The following OR2A12 variants were observed in gnomAD, a reference collection of about 807,000 sequenced individuals.
The protein encoded by OR2A12 is olfactory receptor family 2 subfamily A member 12, also known as olfactory receptor 2A12.
For missense variants in OR2A12, 380 were observed against 372.5 expected (o/e 1.02, Z -0.17); for synonymous variants, 153 against 149.3 (o/e 1.02, Z -0.18).
At chr7:144,086,736 TGCATTCAAGG>T (rs1422240908) in intron 1 of OR2A12, among the ~76,000 whole-genome samples, 193 bp downstream of exon 1, 1 of 152,218 alleles carries the variant, frequency 6.6e-6, no homozygotes, top group Admixed American at 6.5e-5. Flanking sequence ...TGTTTTCCTG[TGCATTCAAGG>T]GCAATTTGAG....
In OR2A12 at chr7:144,095,613, GC is replaced by G. The variant is rs1343710247; in HGVS notation, c.509del (p.Pro170HisfsTer37). 3 of 1,613,824 alleles carry G rather than the reference GC, an allele frequency of 1.9e-6. No individual in the cohort carries two copies. The African/African-American group carries it at 4.0e-5, about 22-fold the overall frequency. ...CTTATTCTGAGGCTGCCTTTTTGTG[GC>G]CCACAAAAGATCAACCACTTTTTCT... is the stretch of plus-strand genomic sequence containing the variant. ...ITLILRLPFCGPQKINHFFCQ... is the reference protein window; with the variant it reads ...ITLILRLPFCXPQKINHFFCQ... On this transcript the variant is annotated frameshift_variant, in exon 2 of 2. Transcript: ENST00000641592. LOFTEE classifies it low-confidence loss of function (END_TRUNC).
rs1304862719 is a variant in OR2A12, at chr7:144,096,870, C to T, written c.*830C>T. The T allele has an allele frequency of 1.3e-5, 2 of 152,048 alleles. No homozygotes were observed. 9.4% of individuals were successfully genotyped at this position (152,048 alleles called of 1,614,324 possible). Reference sequence around the variant, plus strand: ...ACCAAAAACAAAACAAAAATAAAAACAAAGCAGACGTCATGGTTAATGGTG... The same window carrying T: ...ACCAAAAACAAAACAAAAATAAAAATAAAGCAGACGTCATGGTTAATGGTG... On this transcript the variant is annotated 3_prime_UTR_variant, in exon 2 of 2. Transcript: ENST00000641592.
rs146570905 is a variant in OR2A12 at position 144,096,230 on chromosome 7, G to A, written c.*190G>A. ...AACACTTTGGGAGGCTGACCTGGGC[G>A]GATTACCTGAGGTCAGGAGTTCGAG... On this transcript the variant is annotated 3_prime_UTR_variant, in exon 2 of 2. Coordinates refer to ENST00000641592, the MANE Select transcript of OR2A12 (RefSeq NM_001004135.2). The A allele has an allele frequency of 2.1e-3, 1,012 of 477,092 alleles. 17 individuals are homozygous for A. In the East Asian group the frequency reaches 0.026, roughly 12 times the overall value. The allele number at this position is 477,092 out of a possible 1,614,324, so 29.6% of individuals were successfully genotyped here.
At chr7:144,094,574 A>C (rs1230544357) in intron 1 of OR2A12, among the ~76,000 whole-genome samples, 1 of 152,262 alleles carries the variant, frequency 6.6e-6, no homozygotes, top group East Asian at 1.9e-4. Context: ...TTTGTATTTT[A>C]TCTCTCATAT....
intron 1 of OR2A12, among the ~76,000 whole-genome samples, chr7:144,087,922 A>T (rs968129444): frequency 7.2e-5 from 11 of 152,208 alleles, no homozygotes; most frequent in African/African-American, 2.7e-4. Flanking sequence ...GTTCTTCGAC[A>T]TGGATAGCCA....
Position 144,096,150 on chromosome 7 carries a change from G to C in OR2A12, c.*110G>C. ...CCACACCCAATACTGTTTATCTTTAGACTTCTTATAAAAAGAGAAACTGGC... is the reference window on the plus strand; with the variant it reads ...CCACACCCAATACTGTTTATCTTTACACTTCTTATAAAAAGAGAAACTGGC... On this transcript the variant is annotated 3_prime_UTR_variant, in exon 2 of 2. Transcript: ENST00000641592. 1 of 839,866 alleles carries C rather than the reference G, an allele frequency of 1.2e-6. No individual in the cohort carries two copies. The highest frequency in any genetic ancestry group is 1.8e-5 in the South Asian group (1 of 56,280). 52.0% of individuals were successfully genotyped at this position (839,866 alleles called of 1,614,324 possible). A position where few individuals can be genotyped will look rare whatever the true frequency, so the allele number is the denominator to read the frequency against.
At position 144,096,340 on chromosome 7, in the gene OR2A12, A is replaced by G. The variant is rs1306523161; in HGVS notation, c.*300A>G. 9.8e-6 allele frequency: 2 copies of G among 203,688 alleles called. No homozygotes were observed. Among genetic ancestry groups the G allele is most frequent in the East Asian group, 2.4e-4 (2 of 8,216 alleles). 12.6% of individuals were successfully genotyped at this position (203,688 alleles called of 1,614,324 possible). A position where few individuals can be genotyped will look rare whatever the true frequency, so the allele number is the denominator to read the frequency against. ...CGTGCTGGTGGGCGCCTGTAATCCC[A>G]GCTCTACTTGGGAGGCTGAGGCAGG... On this transcript the variant is annotated 3_prime_UTR_variant, in exon 2 of 2. Transcript: ENST00000641592.
At position 144,095,842 on chromosome 7, in the gene OR2A12, C is replaced by T. The variant is rs372859417; in HGVS notation, c.735C>T (p.Cys245=). The change falls in exon 2 of 2, where the codon TGC becomes TGT. Residue 245 remains cysteine, a synonymous_variant. Transcript: ENST00000641592. ...KAFSTCSSHL[C]VVGLFFGSAI... ...TCTCTACCTGCTCCTCCCACCTCTG[C>T]GTGGTGGGGCTTTTCTTTGGCAGCG... 5.3e-5 allele frequency: 85 copies of T among 1,614,076 alleles called. No individual in the cohort carries two copies. Among genetic ancestry groups the T allele is most frequent in the East Asian group, 2.5e-4 (11 of 44,866 alleles).
At chr7:144,089,294 C>CG (rs550904821) in intron 1 of OR2A12, among the ~76,000 whole-genome samples, 2 of 151,284 alleles carry the variant, frequency 1.3e-5, no homozygotes, top group Non-Finnish European at 2.9e-5. Context: ...TTTTTAATCT[C>CG]GGTGTGGGGG....
At chr7:144,087,069 G>A (rs1044369202) in intron 1 of OR2A12, among the ~76,000 whole-genome samples, 2 of 152,164 alleles carry the variant, frequency 1.3e-5, no homozygotes, top group African/African-American at 4.8e-5. Context: ...CAAACTGGAA[G>A]AGGCATAAGA....
chr7:144,097,733 T>C lies in OR2A12; in HGVS notation c.*1693T>C, dbSNP rs952684996. 1 of 152,202 alleles carries C rather than the reference T, an allele frequency of 6.6e-6. No homozygotes were observed. The highest frequency in any genetic ancestry group is 6.5e-5 in the Admixed American group (1 of 15,270). 9.4% of individuals were successfully genotyped at this position (152,202 alleles called of 1,614,324 possible). On this transcript the variant is annotated 3_prime_UTR_variant, in exon 2 of 2. Transcript: ENST00000641592. ...CACTTGCTATATTAGAGGTGTGGCA[T>C]GGCATATCACTGGGGAATGAAAAAG...
chr7:144,088,616 T>C (rs2051203826), intron 1 of OR2A12, among the ~76,000 whole-genome samples: 1 of 152,236 alleles, frequency 6.6e-6, no homozygotes, highest in African/African-American at 2.4e-5. Flanking sequence ...AAACTTCCAA[T>C]CTATAAACAC....
intron 1 of OR2A12, among the ~76,000 whole-genome samples, chr7:144,092,030 A>G (rs894697383): frequency 3.3e-5 from 5 of 152,076 alleles, no homozygotes; most frequent in African/African-American, 7.2e-5. Flanking sequence ...ATCTTTGCAT[A>G]TGGTGTAAGG....
chr7:144,086,430 T>A lies in OR2A12; in HGVS notation c.-165T>A, dbSNP rs552060814. On this transcript the variant is annotated 5_prime_UTR_variant, in exon 1 of 2. Coordinates refer to ENST00000641592, the MANE Select transcript of OR2A12 (RefSeq NM_001004135.2). ...CCACACCTACACACGCTGACACTCA[T>A]ACGAATAACAAAGCTGGAGGATAGA... is the stretch of plus-strand genomic sequence containing the variant. The A allele has an allele frequency of 6.5e-6, 1 of 153,118 alleles. No individual in the cohort carries two copies. The highest frequency in any genetic ancestry group is 1.5e-5 in the Non-Finnish European group (1 of 68,172). The allele number at this position is 153,118 out of a possible 1,614,324, so 9.5% of individuals were successfully genotyped here.
intron 1 of OR2A12, among the ~76,000 whole-genome samples, chr7:144,092,124 C>T (rs1188917471): frequency 6.6e-6 from 1 of 152,064 alleles, no homozygotes; most frequent in African/African-American, 2.4e-5. Flanking sequence ...TTCCCCATTG[C>T]TTTTTTCAGT....
chr7:144,093,927 G>T lies in OR2A12; in HGVS notation c.-51-1130G>T, dbSNP rs184898906. Reference sequence around the variant, plus strand: ...AGTCTTTGCTATTGTGAATAGTGCCGCAATAAACATACGTGTGCATGTATC... The same window carrying T: ...AGTCTTTGCTATTGTGAATAGTGCCTCAATAAACATACGTGTGCATGTATC... On this transcript the variant is annotated intron_variant, in intron 1 of 1. Transcript: ENST00000641592. Among the ~76,000 whole-genome samples, 66 of 151,780 alleles carry T rather than the reference G, an allele frequency of 4.3e-4. 1 individual carries two copies. Among genetic ancestry groups the T allele is most frequent in the Non-Finnish European group, 1.0e-4 (7 of 68,002 alleles).
In OR2A12 at chr7:144,097,331, A is replaced by G. The variant is rs967499200; in HGVS notation, c.*1291A>G. 6.6e-6 allele frequency: 1 copy of G among 152,210 alleles called. No homozygotes were observed. The highest frequency in any genetic ancestry group is 1.5e-5 in the Non-Finnish European group (1 of 68,042). The allele number at this position is 152,210 out of a possible 1,614,324, so 9.4% of individuals were successfully genotyped here. A position where few individuals can be genotyped will look rare whatever the true frequency, so the allele number is the denominator to read the frequency against. On this transcript the variant is annotated 3_prime_UTR_variant, in exon 2 of 2. Transcript: ENST00000641592. ...ATACAAAAGCTCTAAAGAGACAATT[A>G]AAAATTTATTGAGAGACTATGGTAA...
intron 1 of OR2A12, among the ~76,000 whole-genome samples, chr7:144,089,333 CGT>C (rs2051212214): frequency 6.7e-6 from 1 of 149,640 alleles, no homozygotes; most frequent in Admixed American, 6.7e-5. Flanking sequence ...TGTGTGTGCG[CGT>C]GTGTGCGTGT....
At chr7:144,092,295 A>G (rs374743506) in intron 1 of OR2A12, among the ~76,000 whole-genome samples, 1 of 151,870 alleles carries the variant, frequency 6.6e-6, no homozygotes, top group African/African-American at 2.4e-5. Context: ...TGATGCCTCC[A>G]GCTGTGTTCT....
Sources: allele counts gnomAD v4.1 joint callset (sites outside exome capture counted in the v4.1 genomes callset), GRCh38; gene constraint gnomAD v4.1.1; transcripts MANE v1.5; gene names NCBI Gene and HGNC (gene_info 2026-07-23, HGNC 2026-07-21).